MALRD1: variants seen among roughly 807,000 people sequenced by gnomAD.
The protein encoded by MALRD1 is MAM and LDL-receptor class A domain-containing protein 1.
In MALRD1, 247 loss-of-function variants were observed where a neutral mutation model predicts 242.1. The observed-to-expected ratio is 1.02, with a 90% CI of 0.92 to 1.13. The LOEUF (loss-of-function observed/expected upper bound fraction) is 1.13. Ranked by LOEUF, MALRD1 falls within the 50% of genes most tolerant of loss-of-function variation. The pLI is 0.00. For missense variants in MALRD1, 2,989 were observed against 2,533.1 expected, an observed-to-expected ratio of 1.18 and a Z score of -3.86; for synonymous variants, 995 against 866.6, an observed-to-expected ratio of 1.15 and a Z score of -2.60.
chr10:19,065,223 G>A (rs1246693993), intron 1 of MALRD1, among the ~76,000 whole-genome samples: 1 of 143,544 alleles, frequency 7.0e-6, no homozygotes, highest in Admixed American at 7.1e-5. Context: ...GAAGGCAGAG[G>A]TTGTGGTGAG....
intron 29 of MALRD1, among the ~76,000 whole-genome samples, chr10:19,469,206 A>G (rs1836373542): frequency 6.6e-6 from 1 of 152,134 alleles, no homozygotes; most frequent in Non-Finnish European, 1.5e-5. Flanking sequence ...TTTCAGCTTA[A>G]TAATAAAATA....
intron 36 of MALRD1, among the ~76,000 whole-genome samples, chr10:19,672,364 G>T (rs948508327): frequency 1.3e-5 from 2 of 148,918 alleles, no homozygotes; most frequent in African/African-American, 2.5e-5. Context: ...GTTGATCTAT[G>T]ACTTTCTAGA....
At chr10:19,469,063 C>T (rs1836367073) in intron 29 of MALRD1, among the ~76,000 whole-genome samples, 1 of 152,102 alleles carries the variant, frequency 6.6e-6, no homozygotes, top group South Asian at 2.1e-4. Flanking sequence ...GGCCCCACAG[C>T]AGACCAATTA....
rs1009362939 is a variant in MALRD1 at position 19,692,561 on chromosome 10, G to A, written c.6314+7G>A. 6.5e-7 allele frequency: 1 copy of A among 1,527,522 alleles called. No individual in the cohort carries two copies. Among genetic ancestry groups the A allele is most frequent in the African/African-American group, 1.4e-5 (1 of 72,710 alleles). 94.6% of individuals were successfully genotyped at this position (1,527,522 alleles called of 1,614,324 possible). On this transcript the variant is annotated splice_region_variant and intron_variant, in intron 38 of 39. Transcript: ENST00000454679. ...ACAGAAAGGTACCAATAAGGTAAGT[G>A]ATGCCTTTAGTTGCTAAATGAAATA...
At chr10:19,436,124 T>C (rs1016185636) in intron 28 of MALRD1, among the ~76,000 whole-genome samples, 1 of 152,106 alleles carries the variant, frequency 6.6e-6, no homozygotes, top group Non-Finnish European at 1.5e-5. Context: ...TCCCAGGCTC[T>C]TGTAGATTGC....
At chr10:19,574,677 C>A (rs180911531) in intron 33 of MALRD1, among the ~76,000 whole-genome samples, 1 of 152,236 alleles carries the variant, frequency 6.6e-6, no homozygotes, top group East Asian at 1.9e-4. Context: ...CTCTCTAGAC[C>A]ATGTTATGTC....
intron 29 of MALRD1, among the ~76,000 whole-genome samples, chr10:19,483,108 TG>T (rs1319883379): frequency 6.6e-6 from 1 of 150,756 alleles, no homozygotes; most frequent in African/African-American, 2.4e-5. Flanking sequence ...CATAGACCAA[TG>T]GAACAGAACC....
chr10:19,633,274 A>T (rs1839988486), intron 36 of MALRD1, among the ~76,000 whole-genome samples: 1 of 152,100 alleles, frequency 6.6e-6, no homozygotes. Flanking sequence ...CGACTTTTCA[A>T]GATTTCTTGG....
At chr10:19,403,122 T>C (rs1457792566) in intron 28 of MALRD1, among the ~76,000 whole-genome samples, 1 of 152,140 alleles carries the variant, frequency 6.6e-6, no homozygotes, top group Non-Finnish European at 1.5e-5. Flanking sequence ...TGGAAGCTGA[T>C]GATGGAATTA....
chr10:19,413,659 TG>T (rs1320695130), intron 28 of MALRD1, among the ~76,000 whole-genome samples: 1 of 152,150 alleles, frequency 6.6e-6, no homozygotes. Flanking sequence ...CTTGTTTTTC[TG>T]CACTGCCACA....
In MALRD1 at chr10:19,100,756, A is replaced by C. The variant is rs572498370; in HGVS notation, c.598-3223A>C. Reference sequence around the variant, plus strand: ...GAGAGAGATGAACATTTGTTATGTAAGTTTCTGATTTATCAACCCTGAAGA... The same window carrying C: ...GAGAGAGATGAACATTTGTTATGTACGTTTCTGATTTATCAACCCTGAAGA... On this transcript the variant is annotated intron_variant, in intron 4 of 39. Coordinates refer to ENST00000454679, the MANE Select transcript of MALRD1 (RefSeq NM_001142308.3). 3.5e-4 allele frequency among the ~76,000 whole-genome samples: 54 copies of C among 152,206 alleles called. No individual in the cohort carries two copies. In the South Asian group the frequency reaches 5.4e-3, roughly 15 times the overall value.
intron 13 of MALRD1, among the ~76,000 whole-genome samples, chr10:19,167,820 GGTAA>G (rs374950617): frequency 2.8e-4 from 42 of 152,126 alleles, no homozygotes; most frequent in African/African-American, 9.9e-4. Context: ...TGGAGTGAGG[GGTAA>G]GTAACAGCAA....
At chr10:19,203,252 C>G (rs1255786102) in intron 14 of MALRD1, among the ~76,000 whole-genome samples, 3 of 152,122 alleles carry the variant, frequency 2.0e-5, no homozygotes, top group East Asian at 1.9e-4. Context: ...ATATTAAGCT[C>G]TATGAAAATC....
chr10:19,188,580 A>G (rs1835837486), intron 14 of MALRD1, among the ~76,000 whole-genome samples: 2 of 152,172 alleles, frequency 1.3e-5, no homozygotes, highest in Admixed American at 1.3e-4. Context: ...AAATGAATAG[A>G]GTGGCCTTCT....
intron 36 of MALRD1, among the ~76,000 whole-genome samples, chr10:19,656,390 C>T (rs1320389832): frequency 6.6e-6 from 1 of 152,040 alleles, no homozygotes. Flanking sequence ...TTTGTGAGAA[C>T]AATAATCAGA....
chr10:19,407,381 C>G (rs775478992), intron 28 of MALRD1, among the ~76,000 whole-genome samples: 6 of 152,164 alleles, frequency 3.9e-5, no homozygotes, highest in Non-Finnish European at 8.8e-5. Context: ...ACTCAGGACG[C>G]TGAGGTGGGA....
intron 4 of MALRD1, among the ~76,000 whole-genome samples, chr10:19,095,973 G>A (rs1270918066): frequency 6.6e-6 from 1 of 152,108 alleles, no homozygotes; most frequent in Admixed American, 6.6e-5. Flanking sequence ...TCTTATCTAT[G>A]GGTCCACTCC....
chr10:19,481,232 C>T (rs549255028), intron 29 of MALRD1, among the ~76,000 whole-genome samples: 26 of 152,238 alleles, frequency 1.7e-4, no homozygotes, highest in African/African-American at 6.0e-4. Context: ...GATAACACCT[C>T]TGATAATTTT....
At chr10:19,587,352 G>T (rs1193673759) in intron 33 of MALRD1, among the ~76,000 whole-genome samples, 2 of 152,160 alleles carry the variant, frequency 1.3e-5, no homozygotes, top group Admixed American at 6.5e-5. Flanking sequence ...CATTTTTACT[G>T]TCTATATCAC....
Sources: gnomAD v4.1 joint callset for allele counts (sites outside exome capture counted in the v4.1 genomes callset) on GRCh38, gnomAD v4.1.1 for gene constraint, MANE v1.5 for transcripts, NCBI Gene and HGNC (gene_info 2026-07-23, HGNC 2026-07-21) for gene names.